The following MRPS6 variants were observed in gnomAD, a reference collection of about 807,000 sequenced individuals.
The protein encoded by MRPS6 is mitochondrial ribosomal protein S6.
In MRPS6, 6 loss-of-function variants were observed where a neutral mutation model predicts 13.1. That is an observed-to-expected ratio of 0.46 (90% CI 0.25 to 0.91). MRPS6 has a LOEUF of 0.91. Among genes scored for constraint, MRPS6 ranks in the 40% least tolerant of loss-of-function variants. The pLI is 0.18. For missense variants in MRPS6, 164 were observed against 155.6 expected, an observed-to-expected ratio of 1.05 and a Z score of -0.29; for synonymous variants, 61 against 56.5, an observed-to-expected ratio of 1.08 and a Z score of -0.36.
intron 2 of MRPS6, among the ~76,000 whole-genome samples, chr21:34,130,652 A>T: frequency 6.6e-6 from 1 of 152,170 alleles, no homozygotes; most frequent in Non-Finnish European, 1.5e-5. Context: ...CACCTGGAAG[A>T]TCACGTGGGC....
intron 1 of MRPS6, among the ~76,000 whole-genome samples, chr21:34,086,345 G>A (rs1352196615): frequency 3.3e-5 from 5 of 152,246 alleles, no homozygotes; most frequent in Admixed American, 3.3e-4. Flanking sequence ...AGCTGCATGC[G>A]TCCATTTTGA....
intron 2 of MRPS6, among the ~76,000 whole-genome samples, chr21:34,140,659 T>G (rs1980877626): frequency 6.6e-6 from 1 of 152,250 alleles, no homozygotes; most frequent in South Asian, 2.1e-4. Flanking sequence ...AAGAGGAATG[T>G]TAAAAGACTT....
At chr21:34,125,559 C>G in intron 2 of MRPS6, 79 bp downstream of exon 2, 3 of 1,547,964 alleles carry the variant, frequency 1.9e-6, no homozygotes, top group Non-Finnish European at 1.7e-6. Context: ...ATTAGAAGTT[C>G]TTAAAATTTC....
rs777985291 is a variant in MRPS6 at position 34,125,374 on chromosome 21, G to C, written c.79G>C (p.Glu27Gln). The change falls in exon 2 of 3, where the codon GAG becomes CAG. Residue 27 changes from glutamate (E) to glutamine (Q), a missense_variant. By Grantham distance (29) the Glu-to-Gln change is conservative. Transcript: ENST00000399312. ...ETAATLKRTI[E>Q]ALMDRGAIVR... ...TGCTGCTACTTTGAAACGTACGATA[G>C]AGGCCCTGATGGACAGAGGAGCAAT... 6.8e-6 allele frequency: 11 copies of C among 1,613,898 alleles called. No individual in the cohort carries two copies. Among genetic ancestry groups the C allele is most frequent in the Non-Finnish European group, 8.5e-6 (10 of 1,179,908 alleles).
intron 1 of MRPS6, chr21:34,106,033 G>A: frequency 1.0e-6 from 1 of 996,912 alleles, no homozygotes; most frequent in Non-Finnish European, 1.2e-6. Context: ...CTAAAGAGCT[G>A]TCAGTTTTCA....
At chr21:34,105,719 C>T (rs1408416338) in intron 1 of MRPS6, 15 of 997,522 alleles carry the variant, frequency 1.5e-5, no homozygotes, top group Non-Finnish European at 1.8e-5. Flanking sequence ...AAATGGATTT[C>T]CAGTTTACCT....
At position 34,096,006 on chromosome 21, in the gene MRPS6, C is replaced by T; in HGVS notation, c.45+22261C>T. 6.2e-7 allele frequency: 1 copy of T among 1,614,072 alleles called. No individual in the cohort carries two copies. Among genetic ancestry groups the T allele is most frequent in the Non-Finnish European group, 8.5e-7 (1 of 1,179,996 alleles). On this transcript the variant is annotated intron_variant, in intron 1 of 2. Coordinates refer to ENST00000399312, the MANE Select transcript of MRPS6 (RefSeq NM_032476.4). The surrounding 1 kb of genome is among the most constrained non-coding windows in gnomAD (Gnocchi z 5.9). Reference sequence around the variant, plus strand: ...GCCTGGATTCATTCTTGGGCAGACCCCAGCTTCAGTATGGTACTGGTGTGC... The same window carrying T: ...GCCTGGATTCATTCTTGGGCAGACCTCAGCTTCAGTATGGTACTGGTGTGC...
chr21:34,099,826 AT>A, intron 1 of MRPS6: 3 of 606,580 alleles, frequency 4.9e-6, no homozygotes, highest in Non-Finnish European at 6.4e-6. Context: ...TATAAACATC[AT>A]TTTATTTAGA....
chr21:34,125,871 T>G (rs555787729), intron 2 of MRPS6, among the ~76,000 whole-genome samples: 18 of 152,338 alleles, frequency 1.2e-4, no homozygotes, highest in African/African-American at 3.8e-4. Context: ...AACATGCTGC[T>G]TTTGACTGAT....
At chr21:34,105,534 C>A in intron 1 of MRPS6, 11 of 999,492 alleles carry the variant, frequency 1.1e-5, no homozygotes, top group Non-Finnish European at 1.3e-5. Flanking sequence ...GAAACATGTT[C>A]TTCCCAGTGT....
chr21:34,080,849 G>C (rs1419864618), intron 1 of MRPS6, among the ~76,000 whole-genome samples: 1 of 152,234 alleles, frequency 6.6e-6, no homozygotes, highest in African/African-American at 2.4e-5. Flanking sequence ...GATACAGCGT[G>C]TTGACCTCGT....
intron 1 of MRPS6, among the ~76,000 whole-genome samples, chr21:34,084,256 A>G (rs754485611): frequency 6.9e-6 from 1 of 145,876 alleles, no homozygotes; most frequent in African/African-American, 2.5e-5. Flanking sequence ...GGCCTGGAGA[A>G]TTATAATCTG....
At chr21:34,129,700 A>G (rs183969551) in intron 2 of MRPS6, among the ~76,000 whole-genome samples, 6 of 152,022 alleles carry the variant, frequency 3.9e-5, no homozygotes, top group Non-Finnish European at 8.8e-5. Context: ...GAGGAGATTG[A>G]TTCTCCTCTG....
At chr21:34,110,851 G>A (rs562886385) in intron 1 of MRPS6, among the ~76,000 whole-genome samples, 2 of 152,246 alleles carry the variant, frequency 1.3e-5, no homozygotes, top group South Asian at 2.1e-4. Flanking sequence ...GACCGATAGC[G>A]CTAGAACTCA....
At chr21:34,095,175 C>T (rs763240829) in intron 1 of MRPS6, 43 of 1,384,664 alleles carry the variant, frequency 3.1e-5, no homozygotes, top group Non-Finnish European at 3.3e-5. Flanking sequence ...GTCATTGGAG[C>T]GCTATTATTC....
At chr21:34,129,733 T>G (rs188352231) in intron 2 of MRPS6, among the ~76,000 whole-genome samples, 24 of 152,246 alleles carry the variant, frequency 1.6e-4, no homozygotes, top group Non-Finnish European at 3.1e-4. Context: ...TAGCTAACAT[T>G]TCCATGTTCT....
chr21:34,119,537 A>C (rs1013279455), intron 1 of MRPS6, among the ~76,000 whole-genome samples: 23 of 152,292 alleles, frequency 1.5e-4, no homozygotes, highest in African/African-American at 5.1e-4. Flanking sequence ...ACCTTCCCTG[A>C]GTCCTGCCTG....
intron 2 of MRPS6, among the ~76,000 whole-genome samples, chr21:34,138,721 A>G (rs1232217531): frequency 3.3e-5 from 5 of 152,140 alleles, no homozygotes; most frequent in Non-Finnish European, 7.3e-5. Flanking sequence ...GAATAGGAAC[A>G]CTTTTACACT....
chr21:34,090,022 C>T (rs1038137327), intron 1 of MRPS6, among the ~76,000 whole-genome samples: 5 of 152,146 alleles, frequency 3.3e-5, no homozygotes, highest in African/African-American at 7.2e-5. Context: ...CTGAACATCC[C>T]AAACCCAAAA....
Sources: allele counts gnomAD v4.1 joint callset (sites outside exome capture counted in the v4.1 genomes callset), GRCh38; gene constraint gnomAD v4.1.1; non-coding constraint Gnocchi (gnomAD v3.1); transcripts MANE v1.5; gene names NCBI Gene and HGNC (gene_info 2026-07-23, HGNC 2026-07-21).